The following LINGO2 variants were observed in gnomAD, a reference collection of about 807,000 sequenced individuals.
LINGO2 encodes the protein leucine-rich repeat and immunoglobulin-like domain-containing nogo receptor-interacting protein 2.
A neutral mutation model predicts 30.6 loss-of-function variants in LINGO2; 14 were observed. That is an observed-to-expected ratio of 0.46 (90% CI 0.30 to 0.72). LINGO2 has a LOEUF of 0.72. LINGO2 is among the 30% of genes least tolerant of loss of function. The pLI, the probability that LINGO2 is intolerant of heterozygous loss-of-function variation, is 0.07. For synonymous variants in LINGO2, 317 were observed against 288.5 expected, an observed-to-expected ratio of 1.10 and a Z score of -1.00; for missense variants, 729 against 751.7, an observed-to-expected ratio of 0.97 and a Z score of 0.35.
chr9:28,595,167 G>GA (rs1238437968), intron 1 of LINGO2, among the ~76,000 whole-genome samples: 3 of 152,032 alleles, frequency 2.0e-5, no homozygotes, highest in East Asian at 1.9e-4. Context: ...AGATAGGTGA[G>GA]AAAAAACCCC....
chr9:29,171,142 T>A, the LINGO2 span, among the ~76,000 whole-genome samples: 1 of 152,124 alleles, frequency 6.6e-6, no homozygotes, highest in Non-Finnish European at 1.5e-5. Flanking sequence ...TGAATATGTC[T>A]AAAGCTAAGC....
At chr9:28,313,049 G>C (rs140136861) in intron 3 of LINGO2, among the ~76,000 whole-genome samples, 47 of 152,236 alleles carry the variant, frequency 3.1e-4, no homozygotes, top group Middle Eastern at 3.4e-3. Context: ...TACCAACAGA[G>C]AATAATCCTG....
At chr9:28,743,993 CT>C in the LINGO2 span, among the ~76,000 whole-genome samples, 1 of 150,834 alleles carries the variant, frequency 6.6e-6, no homozygotes, top group Admixed American at 6.6e-5. Context: ...GTTCATTTTT[CT>C]TTTTTTCTCT....
intron 5 of LINGO2, among the ~76,000 whole-genome samples, chr9:27,991,124 C>T (rs771044405): frequency 2.6e-5 from 4 of 152,024 alleles, no homozygotes; most frequent in Non-Finnish European, 4.4e-5. Context: ...GGAAAAATTA[C>T]ACAAACCTTA....
the LINGO2 span, among the ~76,000 whole-genome samples, chr9:28,800,502 G>T: frequency 2.6e-5 from 4 of 151,894 alleles, no homozygotes; most frequent in African/African-American, 7.3e-5. Context: ...TCATTTGGGG[G>T]GTCTGGCTCC....
chr9:28,539,193 A>G (rs542122314), intron 1 of LINGO2, among the ~76,000 whole-genome samples: 2 of 152,208 alleles, frequency 1.3e-5, no homozygotes, highest in Admixed American at 6.6e-5. Flanking sequence ...AAAATATATC[A>G]ACACAGATTT....
the LINGO2 span, among the ~76,000 whole-genome samples, chr9:29,202,536 C>T: frequency 6.6e-6 from 1 of 151,850 alleles, no homozygotes; most frequent in African/African-American, 2.4e-5. Flanking sequence ...TTTCTAATTC[C>T]ACAAGGAGAG....
chr9:28,054,842 A>T (rs1040122872), intron 4 of LINGO2, among the ~76,000 whole-genome samples: 1 of 152,112 alleles, frequency 6.6e-6, no homozygotes, highest in Non-Finnish European at 1.5e-5. Context: ...TCTAAGCCTT[A>T]GGTTGTTATG....
chr9:28,876,397 C>T, the LINGO2 span, among the ~76,000 whole-genome samples: 1 of 147,554 alleles, frequency 6.8e-6, no homozygotes, highest in South Asian at 2.1e-4. Context: ...CTATCCCTCC[C>T]CACTCCCCGC....
the LINGO2 span, among the ~76,000 whole-genome samples, chr9:28,767,230 C>A: frequency 6.6e-6 from 1 of 152,026 alleles, no homozygotes; most frequent in Non-Finnish European, 1.5e-5. Context: ...TAAGGTAATA[C>A]ATTTTAAGTG....
the LINGO2 span, among the ~76,000 whole-genome samples, chr9:29,072,455 T>C: frequency 9.9e-5 from 15 of 151,854 alleles, no homozygotes; most frequent in African/African-American, 1.9e-4. Flanking sequence ...CACTAAATTA[T>C]ATATTTAGGA....
intron 3 of LINGO2, among the ~76,000 whole-genome samples, chr9:28,354,683 G>C (rs916669903): frequency 8.5e-5 from 13 of 152,050 alleles, no homozygotes; most frequent in African/African-American, 2.9e-4. Context: ...TTTTCTCCTT[G>C]TTTGACCAAT....
chr9:28,823,538 T>C, the LINGO2 span, among the ~76,000 whole-genome samples: 1 of 152,168 alleles, frequency 6.6e-6, no homozygotes, highest in Admixed American at 6.5e-5. Flanking sequence ...ATGGCAGAAG[T>C]GGCTCTGAGA....
chr9:28,804,261 T>G, the LINGO2 span, among the ~76,000 whole-genome samples: 1 of 152,106 alleles, frequency 6.6e-6, no homozygotes, highest in South Asian at 2.1e-4. Context: ...ATGCAGCTAT[T>G]GGGGCCAATG....
intron 2 of LINGO2, among the ~76,000 whole-genome samples, chr9:28,426,224 A>AAT (rs1564191609): frequency 1.3e-5 from 2 of 152,194 alleles, no homozygotes; most frequent in East Asian, 3.9e-4. Context: ...AAAAATGATA[A>AAT]ATAGCACATC....
At chr9:29,008,616 A>T in the LINGO2 span, among the ~76,000 whole-genome samples, 1 of 152,108 alleles carries the variant, frequency 6.6e-6, no homozygotes, top group Non-Finnish European at 1.5e-5. Flanking sequence ...AATGATCATC[A>T]TTCTAACTGG....
the LINGO2 span, among the ~76,000 whole-genome samples, chr9:28,718,789 T>C: frequency 6.6e-6 from 1 of 152,048 alleles, no homozygotes; most frequent in Admixed American, 6.6e-5. Flanking sequence ...TGTGAACAAA[T>C]GAGCCCAAAC....
intron 5 of LINGO2, among the ~76,000 whole-genome samples, chr9:27,973,996 T>G (rs16912159): frequency 4.6e-5 from 7 of 152,114 alleles, no homozygotes; most frequent in African/African-American, 1.7e-4. Flanking sequence ...AGAGTACAAA[T>G]GGACTCAAGA....
At chr9:29,047,033 A>C in the LINGO2 span, among the ~76,000 whole-genome samples, 1 of 149,534 alleles carries the variant, frequency 6.7e-6, no homozygotes, top group Non-Finnish European at 1.5e-5. Flanking sequence ...ACAGAACAAG[A>C]CTGTCTCAAA....
Sources: allele counts gnomAD v4.1 joint callset (sites outside exome capture counted in the v4.1 genomes callset), GRCh38; gene constraint gnomAD v4.1.1; transcripts MANE v1.5; gene names NCBI Gene and HGNC (gene_info 2026-07-23, HGNC 2026-07-21).